The following GRM8 variants were observed in gnomAD, a reference collection of about 807,000 sequenced individuals.
GRM8 encodes the protein glutamate metabotropic receptor 8, also known as metabotropic glutamate receptor 8.
Under a neutral mutation model 87.2 loss-of-function variants are expected in GRM8, and 47 were observed. The observed-to-expected ratio is 0.54, with a 90% CI of 0.43 to 0.69. The LOEUF (loss-of-function observed/expected upper bound fraction) is 0.69, where lower values mean the gene tolerates loss of function less well. Among genes scored for constraint, GRM8 ranks in the 30% least tolerant of loss-of-function variants. GRM8 has a pLI of 0.00. For synonymous variants in GRM8, 396 were observed against 404.5 expected (o/e 0.98, Z 0.25); for missense variants, 1,019 against 1,139.2 (o/e 0.89, Z 1.52).
chr7:127,081,300 G>T (rs1822843099), intron 3 of GRM8, among the ~76,000 whole-genome samples: 1 of 152,088 alleles, frequency 6.6e-6, no homozygotes, highest in Admixed American at 6.5e-5. Context: ...CCATCCCTGT[G>T]CAGTAGAGCA....
intron 9 of GRM8, among the ~76,000 whole-genome samples, chr7:126,527,452 T>C (rs867873057): frequency 6.6e-6 from 1 of 152,212 alleles, no homozygotes; most frequent in Admixed American, 6.5e-5. Context: ...AAACATACAA[T>C]GTGGATACTG....
At chr7:126,956,005 G>A (rs941744747) in intron 3 of GRM8, among the ~76,000 whole-genome samples, 2 of 151,988 alleles carry the variant, frequency 1.3e-5, no homozygotes, top group Admixed American at 6.5e-5. Flanking sequence ...AAATTAAATG[G>A]CACCCTTTGC....
intron 6 of GRM8, among the ~76,000 whole-genome samples, chr7:126,771,794 A>G (rs10262712): frequency 0.11 from 17,254 of 152,046 alleles, 3,286 homozygotes; most frequent in African/African-American, 0.39. Context: ...ATTCCCTAAA[A>G]TATCCTACTG....
intron 6 of GRM8, among the ~76,000 whole-genome samples, chr7:126,852,201 C>T (rs571336621): frequency 1.3e-4 from 20 of 152,262 alleles, no homozygotes; most frequent in African/African-American, 4.3e-4. Flanking sequence ...CCAGAGAGTG[C>T]CCCGCTCCAG....
At chr7:126,612,639 A>T (rs1799035537) in intron 7 of GRM8, among the ~76,000 whole-genome samples, 1 of 152,242 alleles carries the variant, frequency 6.6e-6, no homozygotes, top group Non-Finnish European at 1.5e-5. Flanking sequence ...TATGTGCTCA[A>T]CACTGGGTGG....
At chr7:126,458,720 A>G (rs1803549607) in intron 9 of GRM8, among the ~76,000 whole-genome samples, 1 of 151,296 alleles carries the variant, frequency 6.6e-6, no homozygotes, top group South Asian at 2.1e-4. Flanking sequence ...TTTTCATAAC[A>G]GGAAACATGA....
chr7:126,922,880 C>T (rs1297878131), intron 3 of GRM8, among the ~76,000 whole-genome samples: 2 of 152,084 alleles, frequency 1.3e-5, no homozygotes, highest in African/African-American at 4.8e-5. Context: ...ATGTAAGACA[C>T]CTGTTCCCAC....
At chr7:126,667,616 A>T (rs1161047948) in intron 7 of GRM8, among the ~76,000 whole-genome samples, 1 of 152,194 alleles carries the variant, frequency 6.6e-6, no homozygotes, top group Non-Finnish European at 1.5e-5. Context: ...AGCTGAGGAG[A>T]AGGTGGAAGG....
chr7:126,748,985 C>T (rs1182918033), intron 7 of GRM8, among the ~76,000 whole-genome samples: 1 of 152,038 alleles, frequency 6.6e-6, no homozygotes, highest in East Asian at 1.9e-4. Flanking sequence ...AATTACCCTT[C>T]ACTGGCTAGG....
At chr7:127,123,234 C>T (rs1398854096) in intron 2 of GRM8, among the ~76,000 whole-genome samples, 1 of 152,160 alleles carries the variant, frequency 6.6e-6, no homozygotes, top group East Asian at 1.9e-4. Flanking sequence ...CACAATCAAA[C>T]ATGTCTGTGC....
intron 7 of GRM8, among the ~76,000 whole-genome samples, chr7:126,636,213 T>G (rs1801836665): frequency 6.6e-6 from 1 of 152,070 alleles, no homozygotes; most frequent in African/African-American, 2.4e-5. Context: ...TCTCAGAAAC[T>G]TATATAAAAT....
intron 3 of GRM8, among the ~76,000 whole-genome samples, chr7:127,098,817 C>A (rs1347404591): frequency 1.3e-5 from 2 of 152,124 alleles, no homozygotes; most frequent in African/African-American, 4.8e-5. Context: ...AGAATCAGGT[C>A]TATTCTGCCC....
At chr7:127,236,790 G>T (rs1300881035) in intron 2 of GRM8, among the ~76,000 whole-genome samples, 1 of 152,172 alleles carries the variant, frequency 6.6e-6, no homozygotes, top group Non-Finnish European at 1.5e-5. Context: ...TTGGGATGAG[G>T]GAGAGAGTAG....
chr7:126,471,414 G>T (rs1174682324), intron 9 of GRM8, among the ~76,000 whole-genome samples: 1 of 152,042 alleles, frequency 6.6e-6, no homozygotes, highest in Non-Finnish European at 1.5e-5. Context: ...TGTATGGCTA[G>T]CCAGTTTTCC....
At chr7:127,048,671 A>T (rs2132468990) in intron 3 of GRM8, among the ~76,000 whole-genome samples, 1 of 152,350 alleles carries the variant, frequency 6.6e-6, no homozygotes, top group East Asian at 1.9e-4. Flanking sequence ...AATATAAAGC[A>T]GAGCTGGTTT....
chr7:126,616,896 C>T lies in GRM8; in HGVS notation c.1358-7398G>A, dbSNP rs1312337218. Among the ~76,000 whole-genome samples, 5 of 152,200 alleles carry T rather than the reference C, an allele frequency of 3.3e-5. No individual in the cohort carries two copies. In the South Asian group the frequency reaches 8.3e-4, roughly 25 times the overall value. On this transcript the variant is annotated intron_variant, in intron 7 of 10. Coordinates refer to ENST00000339582, the MANE Select transcript of GRM8 (RefSeq NM_000845.3). The stretch of plus-strand genomic sequence containing the variant: ...GAGGCAATAATTAATAGCCTACCAA[C>T]CAAAAAAAGTCCAGGACCAGACGGA...
At chr7:126,644,467 C>G (rs373793451) in intron 7 of GRM8, among the ~76,000 whole-genome samples, 11 of 152,136 alleles carry the variant, frequency 7.2e-5, no homozygotes, top group African/African-American at 2.7e-4. Context: ...TCCCCAAGGA[C>G]AGAAGTCATG....
rs191292186 is a variant in GRM8, at chr7:126,790,795, C to G, written c.1157-20730G>C. The stretch of plus-strand genomic sequence containing the variant: ...GAAGGTGAATGAGGAAGGGCAGCAG[C>G]GATGCTCCGTAAAGTGTGGATGCAG... On this transcript the variant is annotated intron_variant, in intron 6 of 10. Transcript: ENST00000339582. Among the ~76,000 whole-genome samples, 5 of 152,066 alleles carry G rather than the reference C, an allele frequency of 3.3e-5. No individual in the cohort carries two copies. The East Asian group carries it at 9.6e-4, about 29-fold the overall frequency.
chr7:126,509,582 G>T (rs1213753779), intron 9 of GRM8, among the ~76,000 whole-genome samples: 1 of 152,032 alleles, frequency 6.6e-6, no homozygotes, highest in Non-Finnish European at 1.5e-5. Context: ...CCAGGCACTT[G>T]AAGGTATCTG....
Sources: gnomAD v4.1 joint callset for allele counts (sites outside exome capture counted in the v4.1 genomes callset) on GRCh38, gnomAD v4.1.1 for gene constraint, MANE v1.5 for transcripts, NCBI Gene and HGNC (gene_info 2026-07-23, HGNC 2026-07-21) for gene names.